Variants in NGDN observed in about 807,000 individuals in gnomAD.
NGDN encodes the protein EIF4E-binding protein.
A neutral mutation model predicts 45.2 loss-of-function variants in NGDN; 41 were observed. The observed-to-expected ratio is 0.91, with a 90% CI of 0.71 to 1.18. NGDN has a LOEUF of 1.18. Ranked by LOEUF, NGDN falls within the 50% of genes most tolerant of loss-of-function variation. The pLI is 0.00. For synonymous variants in NGDN, 137 were observed against 130.9 expected, an observed-to-expected ratio of 1.05 and a Z score of -0.32; for missense variants, 402 against 399.9, an observed-to-expected ratio of 1.01 and a Z score of -0.05.
At chr14:23,477,727 A>G in intron 10 of NGDN, 167 bp downstream of exon 10, 3 of 1,462,970 alleles carry the variant, frequency 2.1e-6, no homozygotes, top group Non-Finnish European at 2.7e-6. Context: ...TGAGCTGGAA[A>G]TCAGCATCAT....
chr14:23,475,364 G>GTA, intron 4 of NGDN, 56 bp downstream of exon 4: 1 of 1,519,876 alleles, frequency 6.6e-7, no homozygotes, highest in South Asian at 1.2e-5. Context: ...AGCTCCAAGG[G>GTA]TATCACACAG....
chr14:23,477,084 G>C, intron 8 of NGDN, 116 bp from the exon 9 acceptor site: 1 of 910,336 alleles, frequency 1.1e-6, no homozygotes. Flanking sequence ...GATCTGCTGT[G>C]AAACTTCTTG....
chr14:23,475,131 A>G, intron 3 of NGDN, 40 bp from the exon 4 acceptor site: 1 of 1,583,342 alleles, frequency 6.3e-7, no homozygotes, highest in Middle Eastern at 1.7e-4. Flanking sequence ...TTCTTTGGCT[A>G]AAACCAAATC....
intron 2 of NGDN, 139 bp from the exon 3 acceptor site, chr14:23,470,767 G>A (rs1053587415): frequency 2.1e-5 from 11 of 530,056 alleles, no homozygotes; most frequent in Admixed American, 3.7e-5. Flanking sequence ...TATGCTTTCC[G>A]AGAAGTGAGA....
Position 23,476,258 on chromosome 14 carries a change from G to T in NGDN, c.564G>T (p.Arg188=). 1 of 1,614,080 alleles carries T rather than the reference G, an allele frequency of 6.2e-7. No homozygotes were observed. Among genetic ancestry groups the T allele is most frequent in the Non-Finnish European group, 8.5e-7 (1 of 1,180,002 alleles). The change falls in exon 8 of 11, where the codon CGG becomes CGT. Residue 188 remains arginine, a synonymous_variant. Coordinates refer to ENST00000408901, the MANE Select transcript of NGDN (RefSeq NM_001042635.2). ...PVHYDETEAE[R]EKKRLERAKR... ...ATGTAGATGAAACAGAAGCTGAGCG[G>T]GAGAAGAAGCGTCTAGAACGAGCCA...
rs147624046 is a variant in NGDN at position 23,477,349 on chromosome 14, T to C, written c.863T>C (p.Leu288Pro). 1.9e-6 allele frequency: 3 copies of C among 1,614,196 alleles called. No homozygotes were observed. Among genetic ancestry groups the C allele is most frequent in the Non-Finnish European group, 2.5e-6 (3 of 1,180,014 alleles). The change falls in exon 9 of 11, where the codon CTT becomes CCT. Residue 288 changes from leucine (L) to proline (P), a missense_variant. Leu to Pro is a moderately conservative substitution (Grantham distance 98). Coordinates refer to ENST00000408901, the MANE Select transcript of NGDN (RefSeq NM_001042635.2). ...ISALTGGTVH[L>P]DEDQNPIKKR... Reference sequence around the variant, plus strand: ...GCTTTGACAGGGGGAACTGTTCATCTTGATGAGGTGAGGTTGAGATATGGT... The same window carrying C: ...GCTTTGACAGGGGGAACTGTTCATCCTGATGAGGTGAGGTTGAGATATGGT...
At chr14:23,469,969 C>T (rs1008442063) in intron 1 of NGDN, 73 bp from the exon 2 acceptor site, 5 of 1,530,622 alleles carry the variant, frequency 3.3e-6, no homozygotes, top group Non-Finnish European at 4.5e-6. Context: ...CAGTTTCCCA[C>T]CCTAGACGTT....
At chr14:23,470,478 A>G (rs936470300) in intron 2 of NGDN, among the ~76,000 whole-genome samples, 2 of 152,180 alleles carry the variant, frequency 1.3e-5, no homozygotes, top group African/African-American at 4.8e-5. Context: ...CATAAGTCGA[A>G]ATTTAGGCTT....
intron 8 of NGDN, 83 bp downstream of exon 8, chr14:23,476,490 C>A: frequency 1.7e-6 from 2 of 1,175,578 alleles, no homozygotes; most frequent in Middle Eastern, 3.0e-4. Flanking sequence ...AAGTTTGGTA[C>A]CAAGAGAATT....
At chr14:23,474,880 A>G (rs1297712046) in intron 3 of NGDN, among the ~76,000 whole-genome samples, 1 of 152,210 alleles carries the variant, frequency 6.6e-6, no homozygotes, top group African/African-American at 2.4e-5. Context: ...TCAAATGTCA[A>G]TAGCTCTGAG....
At chr14:23,472,654 A>G (rs1893809013) in intron 3 of NGDN, among the ~76,000 whole-genome samples, 1 of 152,174 alleles carries the variant, frequency 6.6e-6, no homozygotes, top group Admixed American at 6.5e-5. Flanking sequence ...ATCTGTTTTT[A>G]TATATTGAGC....
At chr14:23,476,640 A>G (rs185131159) in intron 8 of NGDN, among the ~76,000 whole-genome samples, 22 of 152,314 alleles carry the variant, frequency 1.4e-4, no homozygotes, top group Admixed American at 3.9e-4. Flanking sequence ...GCAATTCGAC[A>G]TGAGATTTGA....
Position 23,477,300 on chromosome 14 carries a change from C to T in NGDN, c.814C>T (p.Leu272Phe). 1.2e-6 allele frequency: 2 copies of T among 1,614,224 alleles called. 1 individual carries two copies. Among genetic ancestry groups the T allele is most frequent in the Non-Finnish European group, 1.7e-6 (2 of 1,180,038 alleles). The stretch of plus-strand genomic sequence containing the variant: ...TGTCATGAGCTCACAACTTCATTCC[C>T]TTACACACTTCAGTGACATCAGTGC... ...ANVMSSQLHS[L>F]THFSDISALT... Residue 272 changes from leucine (L) to phenylalanine (F), a missense_variant, in exon 9 of 11, where the codon CTT becomes TTT. Physicochemically the swap from Leu to Phe is conservative, Grantham distance 22. Transcript: ENST00000408901.
chr14:23,473,595 G>A (rs1453750563), intron 3 of NGDN, among the ~76,000 whole-genome samples: 4 of 151,800 alleles, frequency 2.6e-5, no homozygotes, highest in African/African-American at 9.7e-5. Context: ...GGGAGGCTGA[G>A]GCAGGTGGAT....
intron 8 of NGDN, 101 bp from the exon 9 acceptor site, chr14:23,477,099 C>A (rs1403028918): frequency 9.2e-7 from 1 of 1,087,044 alleles, no homozygotes; most frequent in Non-Finnish European, 1.4e-6. Context: ...TTCTTGAGAA[C>A]TCCCTGAACA....
In NGDN at chr14:23,477,554, A is replaced by G; in HGVS notation, c.922A>G (p.Lys308Glu). ...RKKIPQKGRK[K>E]KGFRRRR ...GAAGATACCTCAGAAAGGTCGGAAG[A>G]AAAAAGGTCAGTGAACTGCTGGGAC... Residue 308 changes from lysine to glutamate, a missense_variant, in exon 10 of 11, where the codon AAA (lysine) becomes GAA (glutamate). By Grantham distance (56) the Lys-to-Glu change is moderately conservative. Transcript: ENST00000408901. 1 of 1,614,156 alleles carries G rather than the reference A, an allele frequency of 6.2e-7. No individual in the cohort carries two copies. The highest frequency in any genetic ancestry group is 2.2e-5 in the East Asian group (1 of 44,886).
intron 1 of NGDN, 52 bp downstream of exon 1, chr14:23,469,779 G>T (rs771857002): frequency 1.2e-6 from 2 of 1,610,512 alleles, no homozygotes; most frequent in Non-Finnish European, 8.5e-7. Context: ...GTTGTCCTTT[G>T]CCTTCAGCGG....
rs895701418 is a variant in NGDN, at chr14:23,477,408, A to T, written c.870+52A>T. The T allele has an allele frequency of 8.1e-6, 13 of 1,612,398 alleles. No homozygotes were observed. The African/African-American group carries it at 1.2e-4, about 15-fold the overall frequency. On this transcript the variant is annotated intron_variant, in intron 9 of 10. Coordinates refer to ENST00000408901, the MANE Select transcript of NGDN (RefSeq NM_001042635.2). ...GATGTGACTTTCATGCTTTCAGCAA[A>T]ATGTATGTGGGGCTTATTACCATGA...
At position 23,475,316 on chromosome 14, in the gene NGDN, G is replaced by A. The variant is rs1394413530; in HGVS notation, c.282+8G>A. The A allele has an allele frequency of 6.2e-7, 1 of 1,603,876 alleles. No individual in the cohort carries two copies. The highest frequency in any genetic ancestry group is 8.5e-7 in the Non-Finnish European group (1 of 1,176,282). ...CTGGTGGAGATTCGCACGGTATGAA[G>A]CATTTGGCTTCTTGGAGTTTTAGGT... On this transcript the variant is annotated splice_region_variant and intron_variant, in intron 4 of 10. Coordinates refer to ENST00000408901, the MANE Select transcript of NGDN (RefSeq NM_001042635.2).
Sources: gnomAD v4.1 joint callset for allele counts (sites outside exome capture counted in the v4.1 genomes callset) on GRCh38, gnomAD v4.1.1 for gene constraint, MANE v1.5 for transcripts, NCBI Gene and HGNC (gene_info 2026-07-23, HGNC 2026-07-21) for gene names.